The following OXR1 variants were observed in gnomAD, a reference collection of about 807,000 sequenced individuals.
OXR1 encodes oxidation resistance 1.
In OXR1, 41 loss-of-function variants were observed where a neutral mutation model predicts 104.6. The observed-to-expected ratio is 0.39, with a 90% CI of 0.31 to 0.51. OXR1 has a LOEUF of 0.51. Among genes scored for constraint, OXR1 ranks in the 20% least tolerant of loss-of-function variants. The probability of loss-of-function intolerance (pLI) is 0.77; values close to 1 mark genes in which losing one functional copy is unlikely to be tolerated. For missense variants in OXR1, 955 were observed against 1,031.9 expected (o/e 0.93, Z 1.02); for synonymous variants, 348 against 348.4 (o/e 1.00, Z 0.01).
intron 2 of OXR1, among the ~76,000 whole-genome samples, chr8:106,444,152 A>G (rs1819907949): frequency 2.0e-5 from 3 of 152,208 alleles, no homozygotes; most frequent in South Asian, 4.1e-4. Flanking sequence ...ATACCATCTC[A>G]TGCCAGTCAG....
intron 3 of OXR1, among the ~76,000 whole-genome samples, chr8:106,599,361 G>A (rs1230123892): frequency 6.6e-6 from 1 of 152,064 alleles, no homozygotes; most frequent in Non-Finnish European, 1.5e-5. Context: ...AAATGAAAAA[G>A]GATGCTGAGC....
intron 3 of OXR1, among the ~76,000 whole-genome samples, chr8:106,531,935 ACT>A (rs1178047096): frequency 6.6e-6 from 1 of 152,096 alleles, no homozygotes; most frequent in African/African-American, 2.4e-5. Flanking sequence ...ATAAATAATA[ACT>A]CTGTCTCTCC....
chr8:106,577,847 C>T (rs902350601), intron 3 of OXR1, among the ~76,000 whole-genome samples: 4 of 152,150 alleles, frequency 2.6e-5, no homozygotes, highest in South Asian at 2.1e-4. Flanking sequence ...ACTTCAGGTA[C>T]GCTTGTAGTT....
intron 3 of OXR1, among the ~76,000 whole-genome samples, chr8:106,653,059 C>T (rs1455048242): frequency 2.5e-5 from 3 of 118,344 alleles, no homozygotes; most frequent in Non-Finnish European, 5.1e-5. Context: ...CTGACTGACA[C>T]AAGGAGAAAT....
chr8:106,310,746 C>A (rs1029960701), intron 1 of OXR1, among the ~76,000 whole-genome samples: 2 of 152,182 alleles, frequency 1.3e-5, no homozygotes, highest in Non-Finnish European at 2.9e-5. Flanking sequence ...TTTCTTCTAG[C>A]ACTCAATTAT....
chr8:106,454,274 A>G (rs1820478097), intron 2 of OXR1, among the ~76,000 whole-genome samples: 1 of 152,004 alleles, frequency 6.6e-6, no homozygotes, highest in Non-Finnish European at 1.5e-5. Flanking sequence ...CAGCCTGGGC[A>G]ACATGGTGAA....
At chr8:106,429,368 GC>G (rs1819266590) in intron 2 of OXR1, among the ~76,000 whole-genome samples, 1 of 152,014 alleles carries the variant, frequency 6.6e-6, no homozygotes. Context: ...CTTAAGAAAT[GC>G]TTACTTTAGG....
At chr8:106,698,297 G>A (rs1327106000) in intron 7 of OXR1, among the ~76,000 whole-genome samples, 1 of 152,106 alleles carries the variant, frequency 6.6e-6, no homozygotes, top group East Asian at 1.9e-4. Flanking sequence ...TAAAAAATGT[G>A]TCTATCTTTG....
At chr8:106,324,294 A>G (rs1814363326) in intron 1 of OXR1, among the ~76,000 whole-genome samples, 1 of 152,196 alleles carries the variant, frequency 6.6e-6, no homozygotes, top group Admixed American at 6.5e-5. Context: ...CTCACTTAAA[A>G]GTGGGAGCTA....
At chr8:106,319,425 A>G (rs12682157) in intron 1 of OXR1, among the ~76,000 whole-genome samples, 48,902 of 152,178 alleles carry the variant, frequency 0.32, 10,613 homozygotes, top group African/African-American at 0.62. Flanking sequence ...AATTTAACAG[A>G]AAAGGAGTAG....
At chr8:106,309,092 C>T (rs1350841981) in intron 1 of OXR1, among the ~76,000 whole-genome samples, 6 of 152,028 alleles carry the variant, frequency 3.9e-5, no homozygotes, top group Middle Eastern at 3.4e-3. Flanking sequence ...GATCCTCCTG[C>T]GTCAGCCTGA....
intron 2 of OXR1, among the ~76,000 whole-genome samples, chr8:106,482,297 G>A (rs77822096): frequency 0.012 from 1,882 of 151,708 alleles, 28 homozygotes; most frequent in East Asian, 0.079. Flanking sequence ...AGAAAAGAAC[G>A]AAGAGCAAGA....
chr8:106,729,569 C>T (rs552945492), intron 11 of OXR1, among the ~76,000 whole-genome samples: 36 of 152,074 alleles, frequency 2.4e-4, no homozygotes, highest in African/African-American at 8.7e-4. Flanking sequence ...TATTATGCCG[C>T]CTATCTATAG....
chr8:106,539,775 G>A (rs771343535), intron 3 of OXR1, among the ~76,000 whole-genome samples: 8 of 152,132 alleles, frequency 5.3e-5, no homozygotes, highest in Non-Finnish European at 1.2e-4. Flanking sequence ...GTAATAATAA[G>A]GGGTCAGATG....
intron 2 of OXR1, among the ~76,000 whole-genome samples, chr8:106,488,542 A>T (rs1810851469): frequency 6.6e-6 from 1 of 152,100 alleles, no homozygotes; most frequent in South Asian, 2.1e-4. Context: ...TATTCTAGGG[A>T]TTTTATGGTT....
At chr8:106,462,275 C>T (rs1820954560) in intron 2 of OXR1, among the ~76,000 whole-genome samples, 1 of 152,104 alleles carries the variant, frequency 6.6e-6, no homozygotes, top group African/African-American at 2.4e-5. Flanking sequence ...TTTTATTAAA[C>T]TTTAAAAGTT....
chr8:106,743,316 TTTG>T (rs897629324), intron 15 of OXR1, among the ~76,000 whole-genome samples: 245 of 152,040 alleles, frequency 1.6e-3, no homozygotes, highest in African/African-American at 5.4e-3. Context: ...AATGTTTTAT[TTTG>T]TTGTTGTTGT....
Position 106,302,706 on chromosome 8 carries a change from T to A in OXR1, c.-139+32339T>A, listed in dbSNP as rs530266182. On this transcript the variant is annotated intron_variant, in intron 1 of 16. Coordinates refer to ENST00000517566, the MANE Select transcript of OXR1 (RefSeq NM_001198533.2). ...AAAAAAGTTATAAATTGGGTATTTG[T>A]GGGGAAGAAAGGGAAAAACAAGCAT... Among the ~76,000 whole-genome samples the A allele has an allele frequency of 3.9e-5, 6 of 152,138 alleles. No individual in the cohort carries two copies. The East Asian group carries it at 1.2e-3, about 29-fold the overall frequency.
At chr8:106,525,903 C>T (rs1463529750) in intron 3 of OXR1, among the ~76,000 whole-genome samples, 1 of 152,212 alleles carries the variant, frequency 6.6e-6, no homozygotes, top group Non-Finnish European at 1.5e-5. Context: ...GTTCTTTACA[C>T]AGCCATTTAT....
Sources: gnomAD v4.1 joint callset for allele counts (sites outside exome capture counted in the v4.1 genomes callset) on GRCh38, gnomAD v4.1.1 for gene constraint, MANE v1.5 for transcripts, NCBI Gene and HGNC (gene_info 2026-07-23, HGNC 2026-07-21) for gene names.